Variants in ABCB7 observed in about 807,000 individuals in gnomAD.
ABCB7 encodes the protein iron-sulfur clusters transporter ABCB7, mitochondrial.
A neutral mutation model predicts 54.4 loss-of-function variants in ABCB7; 7 were observed. The observed-to-expected ratio is 0.13, with a 90% CI of 0.07 to 0.24. ABCB7 has a LOEUF of 0.24. Ranked by LOEUF, ABCB7 falls within the 10% of genes least tolerant of loss-of-function variation. The pLI, the probability that ABCB7 is intolerant of heterozygous loss-of-function variation, is 1.00. For synonymous variants in ABCB7, 218 were observed against 207.1 expected (o/e 1.05, Z -0.45); for missense variants, 356 against 570.4 (o/e 0.62, Z 3.83).
At chrX:75,131,439 T>C (rs1451807257) in intron 1 of ABCB7, among the ~76,000 whole-genome samples, 1 of 111,173 alleles carries the variant, frequency 9.0e-6, no homozygotes, top group Non-Finnish European at 1.9e-5. Flanking sequence ...AAGCATATGA[T>C]GGGGGAGATG....
chrX:75,065,130 T>C lies in ABCB7; in HGVS notation c.1771A>G (p.Ile591Val), dbSNP rs2081308033. ...TCATATCCATGTGGCATTCGAAGAA[T>C]TGCATCATGAAGTCCAGCTAATTTT... is the stretch of plus-strand genomic sequence containing the variant. ...VAKLAGLHDAILRMPHGYDTQ... is the reference protein window; with the variant it reads ...VAKLAGLHDAVLRMPHGYDTQ... Residue 591 changes from isoleucine to valine, a missense_variant, in exon 13 of 16, where the codon ATT (isoleucine) becomes GTT (valine). By Grantham distance (29) the Ile-to-Val change is conservative. Around this residue, in one of 2 missense-constraint regions of ABCB7, gnomAD observed 241 missense variants for 470.9 expected, o/e 0.51. Coordinates refer to ENST00000373394, the MANE Select transcript of ABCB7 (RefSeq NM_001271696.3). The C allele has an allele frequency of 9.9e-6, 12 of 1,209,088 alleles. No homozygotes were observed. The highest frequency in any genetic ancestry group is 3.5e-5 in the South Asian group (2 of 56,735).
chrX:75,155,211 T>C (rs987853501), intron 1 of ABCB7, among the ~76,000 whole-genome samples: 4 of 113,237 alleles, frequency 3.5e-5, no homozygotes, highest in African/African-American at 1.3e-4. Context: ...AGCACAGGGC[T>C]ATGTACAAGG....
intron 1 of ABCB7, among the ~76,000 whole-genome samples, chrX:75,130,580 G>A (rs1433456245): frequency 8.9e-6 from 1 of 111,889 alleles, no homozygotes; most frequent in East Asian, 2.8e-4. Context: ...TTTTTGACTT[G>A]TCTGGCAGCT....
chrX:75,086,372 T>C (rs1056607038), intron 4 of ABCB7, among the ~76,000 whole-genome samples: 8 of 111,662 alleles, frequency 7.2e-5, no homozygotes, highest in Non-Finnish European at 1.1e-4. Context: ...ATCTACATGG[T>C]GCCAAAATTA....
At chrX:75,068,871 C>A (rs889954076) in intron 12 of ABCB7, 136 bp downstream of exon 12, 35 of 766,611 alleles carry the variant, frequency 4.6e-5, no homozygotes, top group Non-Finnish European at 3.8e-5. Flanking sequence ...CCTTTTGATA[C>A]CAGAATTTCA....
chrX:75,094,726 A>G (rs2081576653), intron 4 of ABCB7, among the ~76,000 whole-genome samples: 1 of 110,136 alleles, frequency 9.1e-6, no homozygotes, highest in Admixed American at 9.7e-5. Flanking sequence ...AAAAACAAAA[A>G]CCCCATAGAA....
At chrX:75,071,740 GTGAT>G in intron 8 of ABCB7, 57 bp from the exon 9 acceptor site, 1 of 853,191 alleles carries the variant, frequency 1.2e-6, no homozygotes, top group South Asian at 2.4e-5. Flanking sequence ...ATTCTCTTAA[GTGAT>G]TAGTATACTT....
At chrX:75,136,066 A>G (rs1318872268) in intron 1 of ABCB7, among the ~76,000 whole-genome samples, 1 of 110,581 alleles carries the variant, frequency 9.0e-6, no homozygotes, top group Non-Finnish European at 1.9e-5. Context: ...ATATGATACT[A>G]TCATATCATC....
Position 75,052,345 on chromosome X carries a change from T to C in ABCB7, c.*1025A>G, listed in dbSNP as rs987363429. 8.3e-5 allele frequency: 9 copies of C among 108,789 alleles called. No individual in the cohort carries two copies. The highest frequency in any genetic ancestry group is 3.0e-4 in the African/African-American group (9 of 29,565). The allele number at this position is 108,789 out of a possible 1,213,427, so 9.0% of individuals were successfully genotyped here. A position where few individuals can be genotyped will look rare whatever the true frequency, so the allele number is the denominator to read the frequency against. Reference sequence around the variant, plus strand: ...AGCCAGGCATGGTGGCGGGCGCCTGTAGTCCCACCTACTCAGGAGGCTGAG... The same window carrying C: ...AGCCAGGCATGGTGGCGGGCGCCTGCAGTCCCACCTACTCAGGAGGCTGAG... On this transcript the variant is annotated 3_prime_UTR_variant, in exon 16 of 16. Transcript: ENST00000373394.
At chrX:75,124,571 G>A (rs1208233571) in intron 1 of ABCB7, among the ~76,000 whole-genome samples, 1 of 111,697 alleles carries the variant, frequency 9.0e-6, no homozygotes, top group Non-Finnish European at 1.9e-5. Flanking sequence ...TAAAACCAAT[G>A]GCTGAATATT....
At chrX:75,079,119 C>G (rs769966277) in intron 4 of ABCB7, among the ~76,000 whole-genome samples, 1 of 111,747 alleles carries the variant, frequency 8.9e-6, no homozygotes, top group East Asian at 2.8e-4. Context: ...TGGATTTGGT[C>G]AAACTAGAGA....
chrX:75,136,559 G>C (rs1168883722), intron 1 of ABCB7, among the ~76,000 whole-genome samples: 1 of 110,697 alleles, frequency 9.0e-6, no homozygotes, highest in Non-Finnish European at 1.9e-5. Context: ...AGCAAAAACA[G>C]AAACAAAAAC....
intron 1 of ABCB7, among the ~76,000 whole-genome samples, chrX:75,115,299 A>AT (rs2081803310): frequency 2.0e-5 from 2 of 98,659 alleles, no homozygotes; most frequent in African/African-American, 7.4e-5. Flanking sequence ...AAAAAAAAAA[A>AT]TGACAAAAAT....
chrX:75,124,850 T>A (rs1005687136), intron 1 of ABCB7, among the ~76,000 whole-genome samples: 1 of 111,292 alleles, frequency 9.0e-6, no homozygotes, highest in African/African-American at 3.3e-5. Context: ...GCTGGAATGA[T>A]GAGATAATGT....
chrX:75,156,252 A>G lies in ABCB7; in HGVS notation c.21T>C (p.His7=). ...CCGCCGCGGCCGCCCAGCGCCAAGA[A>G]TGCATCGCGAGCAGCGCCATCTTGA... is the stretch of plus-strand genomic sequence containing the variant. MALLAM[H]SWRWAAAAAA... The change falls in exon 1 of 16, where the codon CAT becomes CAC. Residue 7 remains histidine (H), a synonymous_variant. Coordinates refer to ENST00000373394, the MANE Select transcript of ABCB7 (RefSeq NM_001271696.3). 1.7e-6 allele frequency: 2 copies of G among 1,205,478 alleles called. No individual in the cohort carries two copies. The highest frequency in any genetic ancestry group is 2.2e-6 in the Non-Finnish European group (2 of 892,658).
At chrX:75,125,930 AC>A (rs1199025043) in intron 1 of ABCB7, among the ~76,000 whole-genome samples, 2 of 111,382 alleles carry the variant, frequency 1.8e-5, no homozygotes, top group African/African-American at 6.5e-5. Context: ...AGCCCTGAAA[AC>A]CTGTCAGTTT....
At chrX:75,123,741 T>C (rs1313622383) in intron 1 of ABCB7, among the ~76,000 whole-genome samples, 1 of 111,659 alleles carries the variant, frequency 9.0e-6, no homozygotes, top group East Asian at 2.8e-4. Flanking sequence ...GTTAAATTTA[T>C]TCCTAAGTAT....
chrX:75,063,335 GCTT>G (rs2081294727), intron 13 of ABCB7, among the ~76,000 whole-genome samples: 1 of 110,581 alleles, frequency 9.0e-6, no homozygotes, highest in Admixed American at 9.7e-5. Flanking sequence ...GTCCCTTTTG[GCTT>G]CTTTTCTTGT....
At chrX:75,117,145 C>A (rs1046865854) in intron 1 of ABCB7, among the ~76,000 whole-genome samples, 3 of 111,192 alleles carry the variant, frequency 2.7e-5, no homozygotes, top group Non-Finnish European at 5.7e-5. Flanking sequence ...GCCCTGAATT[C>A]TTTCTTGCAT....
Sources: gnomAD v4.1 joint callset for allele counts (sites outside exome capture counted in the v4.1 genomes callset) on GRCh38, gnomAD v4.1.1 for gene constraint, gnomAD v4.1.1 regional missense constraint, MANE v1.5 for transcripts, NCBI Gene and HGNC (gene_info 2026-07-23, HGNC 2026-07-21) for gene names.